Variants in CCDC88C observed in about 807,000 individuals in gnomAD.
CCDC88C encodes the protein coiled-coil and HOOK domain protein 88C, also known as protein Daple.
CCDC88C carries 131 observed loss-of-function variants against 198.8 expected under a neutral mutation model. That is an observed-to-expected ratio of 0.66 (90% confidence interval 0.57 to 0.76). The LOEUF is 0.76. Among genes scored for constraint, CCDC88C ranks in the 30% least tolerant of loss-of-function variants. The pLI, the probability that CCDC88C is intolerant of heterozygous loss-of-function variation, is 0.00. For missense variants in CCDC88C, 2,553 were observed against 2,631.6 expected, an observed-to-expected ratio of 0.97 and a Z score of 0.65; for synonymous variants, 1,166 against 1,114.7, an observed-to-expected ratio of 1.05 and a Z score of -0.92.
chr14:91,288,160 C>T lies in CCDC88C; in HGVS notation c.4441+945G>A, dbSNP rs1877335468. Among the ~76,000 whole-genome samples the T allele has an allele frequency of 6.6e-6, 1 of 152,234 alleles. No individual in the cohort carries two copies. The highest frequency in any genetic ancestry group is 1.5e-5 in the Non-Finnish European group (1 of 68,036). The stretch of plus-strand genomic sequence containing the variant: ...GTAAGAAAAATTCGAAGTGGTGGCC[C>T]TGTACCGTTTGATTGCCTCGTGGTA... On this transcript the variant is annotated intron_variant, in intron 25 of 29. Transcript: ENST00000389857. The surrounding 1 kb of genome is among the most constrained non-coding windows in gnomAD (Gnocchi z 4.2).
At position 91,273,611 on chromosome 14, in the gene CCDC88C, G is replaced by C; in HGVS notation, c.5101C>G (p.Arg1701Gly). Residue 1701 changes from arginine (R) to glycine (G), a missense_variant, in exon 30 of 30, where the codon CGA becomes GGA. Around this residue, in one of 2 missense-constraint regions of CCDC88C, gnomAD observed 1,293 missense variants for 1,219.6 expected, o/e 1.06. Coordinates refer to ENST00000389857, the MANE Select transcript of CCDC88C (RefSeq NM_001080414.4). The surrounding 1 kb of genome is among the most constrained non-coding windows in gnomAD (Gnocchi z 5.6). ...ATGGCTGGGGGATCGCTGGCCTTTC[G>C]GAAGTAGTCACTCAGCAGGTCATCC... ...CRDDLLSDYF[R>G]KASDPPAIGG... 2 of 1,492,654 alleles carry C rather than the reference G, an allele frequency of 1.3e-6. No homozygotes were observed. Among genetic ancestry groups the C allele is most frequent in the Non-Finnish European group, 1.8e-6 (2 of 1,120,402 alleles). The allele number at this position is 1,492,654 out of a possible 1,614,324, so 92.5% of individuals were successfully genotyped here. A position where few individuals can be genotyped will look rare whatever the true frequency, so the allele number is the denominator to read the frequency against.
At chr14:91,282,478 C>T (rs756274329) in intron 26 of CCDC88C, among the ~76,000 whole-genome samples, 1 of 152,118 alleles carries the variant, frequency 6.6e-6, no homozygotes, top group Non-Finnish European at 1.5e-5. Context: ...TTTCCAAATG[C>T]TTCTCCCTTC....
intron 3 of CCDC88C, among the ~76,000 whole-genome samples, chr14:91,391,450 T>C (rs150780492): frequency 7.5e-4 from 114 of 152,306 alleles, no homozygotes; most frequent in African/African-American, 2.6e-3. Flanking sequence ...CTGTACCCCT[T>C]ACACAAATAA....
At chr14:91,317,317 T>A (rs1358962121) in intron 13 of CCDC88C, among the ~76,000 whole-genome samples, 1 of 152,138 alleles carries the variant, frequency 6.6e-6, no homozygotes, top group East Asian at 1.9e-4. Context: ...AAGAGCCAGG[T>A]TGGCACTAGG....
chr14:91,345,190 A>ATATATATATATATTTT (rs1246878587), intron 4 of CCDC88C, among the ~76,000 whole-genome samples: 3 of 52,198 alleles, frequency 5.7e-5, no homozygotes, highest in African/African-American at 2.4e-4. Flanking sequence ...ATATATATAT[A>ATATATATATATATTTT]TTTTTTTTTT....
chr14:91,280,372 T>C (rs1047078479), intron 27 of CCDC88C, among the ~76,000 whole-genome samples: 4 of 152,178 alleles, frequency 2.6e-5, no homozygotes, highest in Non-Finnish European at 5.9e-5. Flanking sequence ...AAACACCTGC[T>C]AGCAAATATG....
At position 91,291,054 on chromosome 14, in the gene CCDC88C, C is replaced by T. The variant is rs766923262; in HGVS notation, c.4143G>A (p.Lys1381=). 2.5e-5 allele frequency: 40 copies of T among 1,582,736 alleles called. No homozygotes were observed. The highest frequency in any genetic ancestry group is 3.1e-5 in the Non-Finnish European group (36 of 1,160,228). Residue 1381 remains lysine (K), a synonymous_variant, in exon 24 of 30, where the codon AAG becomes AAA. Transcript: ENST00000389857. ...CCATGATTTTTTCTTCCAGCTTTTC[C>T]TTATGTCTTCGTAAGGCATTTAATT... The part of the protein sequence containing the change: ...IDKLNALRRH[K]EKLEEKIMDQ...
Position 91,313,962 on chromosome 14 carries a change from C to G in CCDC88C, c.1854G>C (p.Arg618Ser), listed in dbSNP as rs558357516. 35 of 1,613,768 alleles carry G rather than the reference C, an allele frequency of 2.2e-5. No homozygotes were observed. In the East Asian group the frequency reaches 7.4e-4, roughly 34 times the overall value. ...CCTTCTCCTTGGCCTGCTCCAAGTC[C>G]CTGTGCAGCTGCCGCTTCTCAAACT... ...QLEFEKRQLHRDLEQAKEKGE... is the reference protein window; with the variant it reads ...QLEFEKRQLHSDLEQAKEKGE... The change falls in exon 15 of 30, where the codon AGG becomes AGC. Residue 618 changes from arginine to serine, a missense_variant. Coordinates refer to ENST00000389857, the MANE Select transcript of CCDC88C (RefSeq NM_001080414.4). This position sits in a 1 kb window ranked among gnomAD's most constrained non-coding sequence, Gnocchi z 5.2.
At chr14:91,369,919 C>A (rs903055377) in intron 3 of CCDC88C, among the ~76,000 whole-genome samples, 10 of 152,198 alleles carry the variant, frequency 6.6e-5, no homozygotes, top group Non-Finnish European at 1.2e-4. Context: ...TCGGCCCGGC[C>A]GAGGCTACCA....
chr14:91,380,385 T>G (rs1268670226), intron 3 of CCDC88C, among the ~76,000 whole-genome samples: 3 of 152,160 alleles, frequency 2.0e-5, no homozygotes, highest in Admixed American at 2.0e-4. Flanking sequence ...GTAAATCAGT[T>G]TTTAGAAGAG....
At position 91,272,494 on chromosome 14, in the gene CCDC88C, C is replaced by G. The variant is rs1889775631; in HGVS notation, c.*131G>C. The stretch of plus-strand genomic sequence containing the variant: ...GTGTTTCCATTCACAGAACAAACAG[C>G]AGAAATGCGTGGGAACCCCTTTCCT... On this transcript the variant is annotated 3_prime_UTR_variant, in exon 30 of 30. Transcript: ENST00000389857. 1 of 911,826 alleles carries G rather than the reference C, an allele frequency of 1.1e-6. No individual in the cohort carries two copies. Among genetic ancestry groups the G allele is most frequent in the Non-Finnish European group, 1.7e-6 (1 of 601,972 alleles). The allele number at this position is 911,826 out of a possible 1,614,324, so 56.5% of individuals were successfully genotyped here. A position where few individuals can be genotyped will look rare whatever the true frequency, so the allele number is the denominator to read the frequency against.
In CCDC88C at chr14:91,359,713, T is replaced by C; in HGVS notation, c.271-2A>G. On this transcript the variant is annotated splice_acceptor_variant, in intron 3 of 29. Transcript: ENST00000389857. LOFTEE classifies it high-confidence loss of function. ...TACAATCAGCTGCTGGAGAACTTCC[T>C]GCAGAAACAAAGGGGGAAAAGATAC... is the stretch of plus-strand genomic sequence containing the variant. 6.2e-7 allele frequency: 1 copy of C among 1,607,542 alleles called. No individual in the cohort carries two copies. The highest frequency in any genetic ancestry group is 8.5e-7 in the Non-Finnish European group (1 of 1,176,434).
chr14:91,352,546 T>C lies in CCDC88C; in HGVS notation c.340+7096A>G, dbSNP rs925833112. The stretch of plus-strand genomic sequence containing the variant: ...CTCTCAAGGATGAAAGAGGAAATTT[T>C]AGAACAATCAAAATGCCTGCAAGAT... On this transcript the variant is annotated intron_variant, in intron 4 of 29. Coordinates refer to ENST00000389857, the MANE Select transcript of CCDC88C (RefSeq NM_001080414.4). This position sits in a 1 kb window ranked among gnomAD's most constrained non-coding sequence, Gnocchi z 4.2. Among the ~76,000 whole-genome samples the C allele has an allele frequency of 7.2e-5, 11 of 152,180 alleles. No homozygotes were observed. The highest frequency in any genetic ancestry group is 1.3e-4 in the Admixed American group (2 of 15,278).
At chr14:91,301,830 A>T (rs1433094723) in intron 20 of CCDC88C, among the ~76,000 whole-genome samples, 1 of 152,268 alleles carries the variant, frequency 6.6e-6, no homozygotes, top group Non-Finnish European at 1.5e-5. Context: ...TGCTAGTATC[A>T]GACTTACACG....
intron 3 of CCDC88C, among the ~76,000 whole-genome samples, chr14:91,405,019 G>A (rs146375153): frequency 6.6e-6 from 1 of 150,812 alleles, no homozygotes; most frequent in East Asian, 2.0e-4. Flanking sequence ...AATCCCAGAA[G>A]AGTCCAATGC....
intron 3 of CCDC88C, among the ~76,000 whole-genome samples, chr14:91,376,334 T>G (rs369006045): frequency 1.7e-4 from 26 of 152,304 alleles, no homozygotes; most frequent in African/African-American, 6.3e-4. Flanking sequence ...CATGACTGCC[T>G]CGATTTTATA....
chr14:91,272,403 T>C lies in CCDC88C; in HGVS notation c.*222A>G. On this transcript the variant is annotated 3_prime_UTR_variant, in exon 30 of 30. Transcript: ENST00000389857. The stretch of plus-strand genomic sequence containing the variant: ...TATTTGTTCCAAAGATATCAGCTGC[T>C]GGAAGCGGCAGACACAGAAAACACG... 1 of 556,520 alleles carries C rather than the reference T, an allele frequency of 1.8e-6. No individual in the cohort carries two copies. The highest frequency in any genetic ancestry group is 3.1e-6 in the Non-Finnish European group (1 of 317,586). The allele number at this position is 556,520 out of a possible 1,614,324, so 34.5% of individuals were successfully genotyped here. A position where few individuals can be genotyped will look rare whatever the true frequency, so the allele number is the denominator to read the frequency against.
At chr14:91,317,675 A>G (rs1296440152) in intron 13 of CCDC88C, among the ~76,000 whole-genome samples, 1 of 152,228 alleles carries the variant, frequency 6.6e-6, no homozygotes, top group Non-Finnish European at 1.5e-5. Flanking sequence ...GGCTTCAGAC[A>G]CAGGACAGCC....
chr14:91,284,890 G>A lies in CCDC88C; in HGVS notation c.4442-1373C>T, dbSNP rs1040716209. Among the ~76,000 whole-genome samples the A allele has an allele frequency of 2.6e-5, 4 of 152,114 alleles. No individual in the cohort carries two copies. The highest frequency in any genetic ancestry group is 4.4e-5 in the Non-Finnish European group (3 of 68,024). On this transcript the variant is annotated intron_variant, in intron 25 of 29. Coordinates refer to ENST00000389857, the MANE Select transcript of CCDC88C (RefSeq NM_001080414.4). The surrounding 1 kb of genome is among the most constrained non-coding windows in gnomAD (Gnocchi z 4.1). ...GGTATCAGGATATGACAAAAATAAC[G>A]GAGGTGGTACAGGGATGGCTAGAGA... is the stretch of plus-strand genomic sequence containing the variant.
Sources: allele counts gnomAD v4.1 joint callset (sites outside exome capture counted in the v4.1 genomes callset), GRCh38; gene constraint gnomAD v4.1.1; regional missense constraint gnomAD v4.1.1; non-coding constraint Gnocchi (gnomAD v3.1); transcripts MANE v1.5; gene names NCBI Gene and HGNC (gene_info 2026-07-23, HGNC 2026-07-21).